SHISA6: variants seen among roughly 807,000 people sequenced by gnomAD.
The protein encoded by SHISA6 is protein shisa-6.
SHISA6 carries 22 observed loss-of-function variants against 47.9 expected under a neutral mutation model. The observed-to-expected ratio is 0.46, with a 90% CI of 0.33 to 0.66. SHISA6 has a LOEUF of 0.66. Among genes scored for constraint, SHISA6 ranks in the 30% least tolerant of loss-of-function variants. The probability of loss-of-function intolerance (pLI) is 0.02; values close to 1 mark genes in which losing one functional copy is unlikely to be tolerated. For missense variants in SHISA6, 680 were observed against 764.6 expected, an observed-to-expected ratio of 0.89 and a Z score of 1.30; for synonymous variants, 388 against 337.8, an observed-to-expected ratio of 1.15 and a Z score of -1.63.
At chr17:11,281,077 G>A (rs1377233291) in intron 2 of SHISA6, among the ~76,000 whole-genome samples, 2 of 152,060 alleles carry the variant, frequency 1.3e-5, no homozygotes, top group East Asian at 3.8e-4. Context: ...TAGATTTTTA[G>A]AATTTTTACA....
At chr17:11,339,488 A>G (rs1021700124) in intron 2 of SHISA6, among the ~76,000 whole-genome samples, 4 of 152,136 alleles carry the variant, frequency 2.6e-5, no homozygotes, top group Non-Finnish European at 5.9e-5. Context: ...TTTCATTTGC[A>G]TATAGAATAA....
At position 11,558,347 on chromosome 17, in the gene SHISA6, GC is replaced by G. The variant is rs1567639788; in HGVS notation, c.*44del. 2 of 1,514,704 alleles carry G rather than the reference GC, an allele frequency of 1.3e-6. No individual in the cohort carries two copies. The highest frequency in any genetic ancestry group is 4.0e-5 in the Admixed American group (2 of 50,152). The allele number at this position is 1,514,704 out of a possible 1,614,324, so 93.8% of individuals were successfully genotyped here. On this transcript the variant is annotated 3_prime_UTR_variant, in exon 6 of 6. Transcript: ENST00000441885. The stretch of plus-strand genomic sequence containing the variant: ...GGGCTGCTGGGCGTGGCAGAGCAGA[GC>G]GGGGGCCGGGAGGGGCCAGGAGCAG...
chr17:11,499,173 C>A (rs1316036553), intron 3 of SHISA6, among the ~76,000 whole-genome samples: 1 of 152,098 alleles, frequency 6.6e-6, no homozygotes, highest in East Asian at 1.9e-4. Flanking sequence ...TACCCTGGGG[C>A]AGGAAGTTCA....
At chr17:11,333,914 G>C (rs1255121251) in intron 2 of SHISA6, among the ~76,000 whole-genome samples, 1 of 152,168 alleles carries the variant, frequency 6.6e-6, no homozygotes, top group Non-Finnish European at 1.5e-5. Flanking sequence ...TGTGAGGATG[G>C]TACATTGGCA....
intron 1 of SHISA6, 84 bp downstream of exon 1, chr17:11,242,144 C>T (rs1907392228): frequency 2.0e-6 from 3 of 1,504,962 alleles, no homozygotes; most frequent in African/African-American, 2.8e-5. Context: ...TCACTCTCGG[C>T]ATCATCACAC....
chr17:11,249,979 G>A (rs953308331), intron 1 of SHISA6, among the ~76,000 whole-genome samples: 1 of 152,216 alleles, frequency 6.6e-6, no homozygotes, highest in South Asian at 2.1e-4. Context: ...TCCTCATGAG[G>A]AACGACAATT....
intron 2 of SHISA6, among the ~76,000 whole-genome samples, chr17:11,325,384 C>T (rs752373043): frequency 1.6e-4 from 24 of 152,332 alleles, no homozygotes; most frequent in South Asian, 8.3e-4. Flanking sequence ...CCCACTGCTG[C>T]GGCTACCCGA....
intron 2 of SHISA6, among the ~76,000 whole-genome samples, chr17:11,328,146 A>G (rs1910972427): frequency 1.3e-5 from 2 of 152,184 alleles, no homozygotes; most frequent in Non-Finnish European, 2.9e-5. Flanking sequence ...AACTATGTCA[A>G]GGCAACAAAT....
intron 1 of SHISA6, among the ~76,000 whole-genome samples, chr17:11,250,997 C>T (rs1298340090): frequency 1.3e-5 from 2 of 152,042 alleles, no homozygotes; most frequent in Non-Finnish European, 2.9e-5. Context: ...CCCATCATCC[C>T]GTCTGAGTGT....
intron 2 of SHISA6, among the ~76,000 whole-genome samples, chr17:11,343,639 A>C (rs1911607052): frequency 6.6e-6 from 1 of 152,220 alleles, no homozygotes; most frequent in Non-Finnish European, 1.5e-5. Context: ...CCATCACTCC[A>C]GATTAGCCTA....
chr17:11,244,564 C>T (rs956965918), intron 1 of SHISA6, among the ~76,000 whole-genome samples: 17 of 152,014 alleles, frequency 1.1e-4, no homozygotes, highest in African/African-American at 3.9e-4. Flanking sequence ...CAGAGACCAC[C>T]GTTTGCCATT....
chr17:11,262,311 A>G (rs1452238529), intron 1 of SHISA6, among the ~76,000 whole-genome samples: 2 of 152,212 alleles, frequency 1.3e-5, no homozygotes, highest in Non-Finnish European at 2.9e-5. Context: ...CCCACCCATC[A>G]GAGACACCCC....
intron 3 of SHISA6, among the ~76,000 whole-genome samples, chr17:11,525,631 C>CAAAAAAAAAAAAAAAA (rs548619604): frequency 1.7e-5 from 1 of 58,904 alleles, no homozygotes; most frequent in African/African-American, 6.9e-5. Flanking sequence ...GACTCCGTCT[C>CAAAAAAAAAAAAAAAA]AAAAAAAAAA....
intron 2 of SHISA6, among the ~76,000 whole-genome samples, chr17:11,270,612 G>A (rs1366026627): frequency 6.6e-6 from 1 of 152,214 alleles, no homozygotes; most frequent in Non-Finnish European, 1.5e-5. Context: ...TTCTGCCCTT[G>A]AAGCACAAGA....
intron 3 of SHISA6, among the ~76,000 whole-genome samples, chr17:11,415,178 T>C (rs1914247483): frequency 6.6e-6 from 1 of 152,216 alleles, no homozygotes; most frequent in African/African-American, 2.4e-5. Flanking sequence ...TTATGTGTTC[T>C]GGTGGTGTAC....
intron 3 of SHISA6, among the ~76,000 whole-genome samples, chr17:11,456,713 C>T (rs1044016494): frequency 6.6e-6 from 1 of 152,190 alleles, no homozygotes; most frequent in Admixed American, 6.5e-5. Context: ...GACCGCCCCC[C>T]TCTGCACACG....
In SHISA6 at chr17:11,263,477, G is replaced by A. The variant is rs773204737; in HGVS notation, c.750G>A (p.Ser250=). ...CCAAAGAGAACACGCCGGTCAGATC[G>A]TCCTCCAAAAACCACTACACTCCTG... ...TSPKENTPVR[S]SSKNHYTPVR... Residue 250 remains serine, a synonymous_variant, in exon 2 of 6, where the codon TCG becomes TCA. Transcript: ENST00000441885. 1.2e-5 allele frequency: 18 copies of A among 1,551,666 alleles called. No individual in the cohort carries two copies. Among genetic ancestry groups the A allele is most frequent in the South Asian group, 5.9e-5 (5 of 84,052 alleles).
At chr17:11,511,945 C>T (rs2071545009) in intron 3 of SHISA6, among the ~76,000 whole-genome samples, 1 of 152,198 alleles carries the variant, frequency 6.6e-6, no homozygotes, top group Admixed American at 6.5e-5. Flanking sequence ...GTACAAAGGG[C>T]CTTGGGCCAG....
chr17:11,341,322 C>T (rs1339848790), intron 2 of SHISA6, among the ~76,000 whole-genome samples: 3 of 142,568 alleles, frequency 2.1e-5, no homozygotes, highest in African/African-American at 7.8e-5. Context: ...TTCTTTCTCT[C>T]TCTCTCTTTT....
Sources: allele counts gnomAD v4.1 joint callset (sites outside exome capture counted in the v4.1 genomes callset), GRCh38; gene constraint gnomAD v4.1.1; transcripts MANE v1.5; gene names NCBI Gene and HGNC (gene_info 2026-07-23, HGNC 2026-07-21).